PTN: variants seen among roughly 807,000 people sequenced by gnomAD.
PTN encodes the protein heparin affin regulatory protein.
Under a neutral mutation model 24.1 loss-of-function variants are expected in PTN, and 18 were observed. The ratio of observed to expected loss-of-function variants is 0.75; its 90% confidence interval spans 0.52 to 1.11. The LOEUF is 1.11. Among genes scored for constraint, PTN ranks in the 50% least tolerant of loss-of-function variants. The probability of loss-of-function intolerance (pLI) is 0.00; values close to 1 mark genes in which losing one functional copy is unlikely to be tolerated. For synonymous variants in PTN, 78 were observed against 68.6 expected, an observed-to-expected ratio of 1.14 and a Z score of -0.67; for missense variants, 163 against 198.8, an observed-to-expected ratio of 0.82 and a Z score of 1.08.
intron 1 of PTN, among the ~76,000 whole-genome samples, chr7:137,341,189 T>C (rs1015946397): frequency 2.6e-5 from 4 of 152,216 alleles, no homozygotes; most frequent in Admixed American, 2.0e-4. Context: ...ATTTGATATC[T>C]AAGATTGATT....
At chr7:137,294,231 T>G (rs1383417486) in intron 1 of PTN, among the ~76,000 whole-genome samples, 8 of 152,140 alleles carry the variant, frequency 5.3e-5, no homozygotes, top group Non-Finnish European at 4.4e-5. Flanking sequence ...ATTCTAGCCA[T>G]AGCTCGGGTG....
intron 1 of PTN, among the ~76,000 whole-genome samples, chr7:137,299,449 G>A (rs1809771687): frequency 1.3e-5 from 2 of 151,942 alleles, no homozygotes; most frequent in Admixed American, 1.3e-4. Flanking sequence ...AGGTTCATAA[G>A]GAACAGAGCT....
rs191515279 is a variant in PTN at position 137,335,404 on chromosome 7, C to A, written c.-2+8035G>T. Among the ~76,000 whole-genome samples, 17 of 152,150 alleles carry A rather than the reference C, an allele frequency of 1.1e-4. No homozygotes were observed. In the East Asian group the frequency reaches 3.1e-3, roughly 28 times the overall value. Reference sequence around the variant, plus strand: ...TCAATAGCAAATCAGGTGGTGTCTGCAATTTTCTTTCATAAATAATCATAC... The same window carrying A: ...TCAATAGCAAATCAGGTGGTGTCTGAAATTTTCTTTCATAAATAATCATAC... On this transcript the variant is annotated intron_variant, in intron 1 of 4. Coordinates refer to ENST00000348225, the MANE Select transcript of PTN (RefSeq NM_002825.7).
chr7:137,254,307 A>G (rs577923817), intron 2 of PTN, among the ~76,000 whole-genome samples: 3 of 152,212 alleles, frequency 2.0e-5, no homozygotes, highest in Non-Finnish European at 2.9e-5. Flanking sequence ...AAAAAAAAAA[A>G]AAAGAAATAA....
intron 1 of PTN, among the ~76,000 whole-genome samples, chr7:137,255,850 C>A (rs1421242493): frequency 1.3e-5 from 2 of 152,216 alleles, no homozygotes; most frequent in Non-Finnish European, 2.9e-5. Context: ...TTCCCAATGG[C>A]TACACCATAT....
chr7:137,294,388 ACTCT>A lies in PTN; in HGVS notation c.-1-39418_-1-39415del, dbSNP rs550982481. Among the ~76,000 whole-genome samples the A allele has an allele frequency of 5.8e-3, 879 of 152,004 alleles. 11 individuals are homozygous for A. The highest frequency in any genetic ancestry group is 0.041 in the South Asian group (199 of 4,808). ...GGCATCATACAGAGAAGTTCTCCCG[ACTCT>A]CTCTCTGGCTTGGGCAGCCTTGTGC... On this transcript the variant is annotated intron_variant, in intron 1 of 4. Transcript: ENST00000348225.
At chr7:137,258,541 T>C (rs1808975646) in intron 1 of PTN, among the ~76,000 whole-genome samples, 1 of 152,168 alleles carries the variant, frequency 6.6e-6, no homozygotes. Context: ...AGAGCTTAGA[T>C]GTTTCTGGGT....
intron 3 of PTN, 117 bp from the exon 4 acceptor site, chr7:137,251,508 C>T: frequency 8.7e-7 from 1 of 1,150,512 alleles, no homozygotes; most frequent in Admixed American, 2.3e-5. Context: ...GATCCATATG[C>T]AGCTATAAGA....
chr7:137,263,918 A>G (rs1016125161), intron 1 of PTN, among the ~76,000 whole-genome samples: 1 of 152,010 alleles, frequency 6.6e-6, no homozygotes, highest in Non-Finnish European at 1.5e-5. Flanking sequence ...TACTGAATGG[A>G]TTTTTATCTG....
At chr7:137,321,607 G>A (rs1810164122) in intron 1 of PTN, among the ~76,000 whole-genome samples, 1 of 152,146 alleles carries the variant, frequency 6.6e-6, no homozygotes, top group African/African-American at 2.4e-5. Context: ...TGTTTGATAT[G>A]AAGATTGGGT....
At chr7:137,254,065 C>T (rs1438934729) in intron 2 of PTN, among the ~76,000 whole-genome samples, 4 of 152,006 alleles carry the variant, frequency 2.6e-5, no homozygotes, top group Non-Finnish European at 4.4e-5. Context: ...TTTGGGAGGT[C>T]GAAGCAGGCA....
chr7:137,253,684 A>T (rs1808868956), intron 2 of PTN, 47 bp from the exon 3 acceptor site: 1 of 1,406,164 alleles, frequency 7.1e-7, no homozygotes, highest in South Asian at 1.7e-5. Flanking sequence ...AAACTCCTTA[A>T]CTTCCAGATA....
At chr7:137,299,062 C>T (rs963983010) in intron 1 of PTN, among the ~76,000 whole-genome samples, 1 of 151,952 alleles carries the variant, frequency 6.6e-6, no homozygotes, top group African/African-American at 2.4e-5. Context: ...ACTGAGCATT[C>T]CTACACACTT....
At chr7:137,269,355 G>A (rs547796261) in intron 1 of PTN, among the ~76,000 whole-genome samples, 40 of 152,184 alleles carry the variant, frequency 2.6e-4, no homozygotes, top group African/African-American at 9.6e-4. Context: ...AGTCCTGGAG[G>A]GTCAGCTTTT....
chr7:137,230,619 A>G (rs1808411157), intron 4 of PTN, among the ~76,000 whole-genome samples: 1 of 151,818 alleles, frequency 6.6e-6, no homozygotes, highest in African/African-American at 2.4e-5. Flanking sequence ...ATTGCTTCCA[A>G]TCGAAAGCAG....
chr7:137,287,075 C>T (rs1224256313), intron 1 of PTN, among the ~76,000 whole-genome samples: 3 of 152,136 alleles, frequency 2.0e-5, no homozygotes, highest in Admixed American at 6.6e-5. Context: ...AACCCTCATT[C>T]GTGTTTCATG....
chr7:137,248,448 G>T (rs959200281), intron 4 of PTN, among the ~76,000 whole-genome samples: 5 of 152,140 alleles, frequency 3.3e-5, no homozygotes, highest in Admixed American at 2.0e-4. Context: ...CACTTTGGGA[G>T]GCCAAGGCGG....
chr7:137,296,001 C>G (rs1039177938), intron 1 of PTN, among the ~76,000 whole-genome samples: 2 of 151,938 alleles, frequency 1.3e-5, no homozygotes, highest in Admixed American at 1.3e-4. Flanking sequence ...GATTCAAAAG[C>G]CTGGGTAGCA....
intron 1 of PTN, among the ~76,000 whole-genome samples, chr7:137,305,957 T>C (rs566261692): frequency 6.6e-6 from 1 of 152,234 alleles, no homozygotes; most frequent in Admixed American, 6.5e-5. Context: ...AATACTCTTG[T>C]GAGTGCCCGC....
Sources: allele counts gnomAD v4.1 joint callset (sites outside exome capture counted in the v4.1 genomes callset), GRCh38; gene constraint gnomAD v4.1.1; transcripts MANE v1.5; gene names NCBI Gene and HGNC (gene_info 2026-07-23, HGNC 2026-07-21).